Variants in ZNF85 observed in about 807,000 individuals in gnomAD.
The protein encoded by ZNF85 is zinc finger protein 85 (HPF4, HTF1).
ZNF85 carries 50 observed loss-of-function variants against 53.9 expected under a neutral mutation model. The ratio of observed to expected loss-of-function variants is 0.93; its 90% CI spans 0.74 to 1.17. The LOEUF (loss-of-function observed/expected upper bound fraction) is 1.17, where lower values mean the gene tolerates loss of function less well. Ranked by LOEUF, ZNF85 falls within the 50% of genes most tolerant of loss-of-function variation. The probability of loss-of-function intolerance (pLI) is 0.00; values close to 1 mark genes in which losing one functional copy is unlikely to be tolerated. For synonymous variants in ZNF85, 225 were observed against 226.1 expected, an observed-to-expected ratio of 1.00 and a Z score of 0.04; for missense variants, 747 against 688.5, an observed-to-expected ratio of 1.08 and a Z score of -0.95.
At chr19:20,938,981 T>C (rs1404640141) in intron 3 of ZNF85, among the ~76,000 whole-genome samples, 3 of 152,118 alleles carry the variant, frequency 2.0e-5, no homozygotes, top group Non-Finnish European at 4.4e-5. Context: ...AATGCATATA[T>C]TTAAAACAAA....
intron 3 of ZNF85, among the ~76,000 whole-genome samples, chr19:20,947,196 ATCTT>A (rs1568555321): frequency 6.6e-6 from 1 of 151,852 alleles, no homozygotes; most frequent in African/African-American, 2.4e-5. Context: ...TATACAAAAA[ATCTT>A]TCTCATTATA....
In ZNF85 at chr19:20,950,416, A is replaced by G. The variant is rs1973555827; in HGVS notation, c.*114A>G. The G allele has an allele frequency of 1.4e-6, 1 of 734,880 alleles. No individual in the cohort carries two copies. Among genetic ancestry groups the G allele is most frequent in the South Asian group, 2.9e-5 (1 of 34,132 alleles). The allele number at this position is 734,880 out of a possible 1,614,324, so 45.5% of individuals were successfully genotyped here. A position where few individuals can be genotyped will look rare whatever the true frequency, so the allele number is the denominator to read the frequency against. On this transcript the variant is annotated 3_prime_UTR_variant, in exon 4 of 4. Transcript: ENST00000328178. ...GACAATAATTTTGACAACACCTCAG[A>G]CTTATAAAAGTAATCATACTGGTGA...
chr19:20,944,830 T>C (rs1413615543), intron 3 of ZNF85, among the ~76,000 whole-genome samples: 1 of 152,096 alleles, frequency 6.6e-6, no homozygotes, highest in African/African-American at 2.4e-5. Flanking sequence ...AATATTTAAC[T>C]CTGCAATTTA....
In ZNF85 at chr19:20,934,156, G is replaced by T. The variant is rs778074965; in HGVS notation, c.130+6G>T. 1.1e-4 allele frequency: 171 copies of T among 1,609,556 alleles called. 1 individual carries two copies. The South Asian group carries it at 1.8e-3, about 17-fold the overall frequency. ...CAGAAACCTGGTCTTCCTGGGTGAG[G>T]ATAACTTCAATACACAATTTCTAAT... On this transcript the variant is annotated splice_donor_region_variant and intron_variant, in intron 2 of 3. Transcript: ENST00000328178.
rs768196215 is a variant in ZNF85 at position 20,933,979 on chromosome 19, GTGTGTGTGTGTGTGTGTGTA to G, written c.4-39_4-20del. The G allele has an allele frequency of 3.6e-5, 48 of 1,352,080 alleles. No homozygotes were observed. The African/African-American group carries it at 6.9e-4, about 19-fold the overall frequency. 83.8% of individuals were successfully genotyped at this position (1,352,080 alleles called of 1,614,324 possible). ...ATTATGTGTGTGTGTGTGTGTGTGTGTGTGTGTGTGTGTGTGTGTATGTGTATGTGTGTGTATCTTTCAGG... is the reference window on the plus strand; with the variant it reads ...ATTATGTGTGTGTGTGTGTGTGTGTGTGTGTATGTGTGTGTATCTTTCAGG... On this transcript the variant is annotated intron_variant, in intron 1 of 3. Coordinates refer to ENST00000328178, the MANE Select transcript of ZNF85 (RefSeq NM_003429.5).
chr19:20,946,407 C>T lies in ZNF85; in HGVS notation c.230-2337C>T, dbSNP rs11085408. On this transcript the variant is annotated intron_variant, in intron 3 of 3. Transcript: ENST00000328178. Reference sequence around the variant, plus strand: ...TGTTAGAAGTAATTGTTTTATATTGCCTTAAAGTTACCTGTTGCCTTCTAA... The same window carrying T: ...TGTTAGAAGTAATTGTTTTATATTGTCTTAAAGTTACCTGTTGCCTTCTAA... 5.6e-3 allele frequency: 2,011 copies of T among 360,962 alleles called. 24 individuals carry two copies. Among genetic ancestry groups the T allele is most frequent in the African/African-American group, 0.024 (1,104 of 45,590 alleles). The allele number at this position is 360,962 out of a possible 1,614,324, so 22.4% of individuals were successfully genotyped here. A position where few individuals can be genotyped will look rare whatever the true frequency, so the allele number is the denominator to read the frequency against.
chr19:20,923,307 T>G lies in ZNF85; in HGVS notation c.-94T>G. On this transcript the variant is annotated 5_prime_UTR_variant, in exon 1 of 4. Transcript: ENST00000328178. Reference sequence around the variant, plus strand: ...GGTCTTGTTTTCCCTGCTTTGTGTTTTCTGCTCGTGGACGCCCAGCCTCTG... The same window carrying G: ...GGTCTTGTTTTCCCTGCTTTGTGTTGTCTGCTCGTGGACGCCCAGCCTCTG... 6.3e-7 allele frequency: 1 copy of G among 1,595,650 alleles called. No homozygotes were observed.
intron 1 of ZNF85, 150 bp from the exon 2 acceptor site, chr19:20,933,874 C>A: frequency 1.3e-6 from 1 of 791,636 alleles, no homozygotes; most frequent in African/African-American, 1.8e-5. Context: ...TTAGTCACTC[C>A]TGTAAGTCAG....
At chr19:20,931,711 G>A (rs959438342) in intron 1 of ZNF85, among the ~76,000 whole-genome samples, 1 of 148,888 alleles carries the variant, frequency 6.7e-6, no homozygotes, top group Non-Finnish European at 1.5e-5. Context: ...GGGTTCAAGC[G>A]ATTCTCTTGC....
intron 1 of ZNF85, chr19:20,928,040 G>T (rs1274919591): frequency 6.6e-6 from 1 of 152,092 alleles, no homozygotes; most frequent in African/African-American, 2.4e-5. Flanking sequence ...CTTCTGGGTT[G>T]TATCTTTTAT....
At chr19:20,941,469 G>A (rs1973294199) in intron 3 of ZNF85, among the ~76,000 whole-genome samples, 1 of 152,086 alleles carries the variant, frequency 6.6e-6, no homozygotes, top group African/African-American at 2.4e-5. Context: ...CACCGTGTTG[G>A]TTATGCTGGT....
At position 20,949,022 on chromosome 19, in the gene ZNF85, A is replaced by G; in HGVS notation, c.508A>G (p.Lys170Glu). 7 of 1,613,768 alleles carry G rather than the reference A, an allele frequency of 4.3e-6. No homozygotes were observed. Among genetic ancestry groups the G allele is most frequent in the Non-Finnish European group, 5.9e-6 (7 of 1,179,780 alleles). ...AAACAGACATGAGATAAGACATACT[A>G]AAAAGAAACCTTTCAAATGTACAAA... is the stretch of plus-strand genomic sequence containing the variant. Reference protein sequence around the residue: ...NSNRHEIRHTKKKPFKCTKCG... With the variant: ...NSNRHEIRHTEKKPFKCTKCG... The change falls in exon 4 of 4, where the codon AAA (lysine) becomes GAA (glutamate). Residue 170 changes from lysine (K) to glutamate (E), a missense_variant. Lys to Glu is a moderately conservative substitution (Grantham distance 56). Transcript: ENST00000328178.
chr19:20,946,967 A>T (rs576897907), intron 3 of ZNF85, among the ~76,000 whole-genome samples: 1 of 152,040 alleles, frequency 6.6e-6, no homozygotes, highest in East Asian at 1.9e-4. Context: ...AGACTTACAA[A>T]TGTTATTTTA....
At chr19:20,935,658 A>AT (rs966936998) in intron 3 of ZNF85, among the ~76,000 whole-genome samples, 179 of 145,708 alleles carry the variant, frequency 1.2e-3, no homozygotes, top group East Asian at 3.6e-3. Flanking sequence ...TGCCACTAGA[A>AT]TTTTTTTTTT....
At chr19:20,934,228 T>C (rs1207061566) in intron 2 of ZNF85, 78 bp downstream of exon 2, 2 of 1,544,092 alleles carry the variant, frequency 1.3e-6, no homozygotes, top group Admixed American at 2.0e-5. Context: ...GTTTTTCTGG[T>C]AAAGTGTGCT....
At chr19:20,937,586 C>T (rs1016614791) in intron 3 of ZNF85, among the ~76,000 whole-genome samples, 5 of 152,176 alleles carry the variant, frequency 3.3e-5, no homozygotes, top group Non-Finnish European at 7.3e-5. Context: ...CAGGTTTCTG[C>T]AGTCGAGTCT....
In ZNF85 at chr19:20,936,250, A is replaced by T. The variant is rs538953411; in HGVS notation, c.229+1203A>T. Among the ~76,000 whole-genome samples, 6 of 152,300 alleles carry T rather than the reference A, an allele frequency of 3.9e-5. No homozygotes were observed. The East Asian group carries it at 1.2e-3, about 29-fold the overall frequency. ...AAGATTATATGATCTACAACCAGCA[A>T]CTTTTACTTATTTGTCTTCAATTTC... On this transcript the variant is annotated intron_variant, in intron 3 of 3. Coordinates refer to ENST00000328178, the MANE Select transcript of ZNF85 (RefSeq NM_003429.5).
intron 3 of ZNF85, among the ~76,000 whole-genome samples, chr19:20,946,994 T>C (rs73021507): frequency 0.1 from 15,466 of 151,884 alleles, 879 homozygotes; most frequent in Non-Finnish European, 0.13. Flanking sequence ...TAGTTGATTC[T>C]TGTTTCTTTG....
At chr19:20,936,353 A>G (rs111785456) in intron 3 of ZNF85, among the ~76,000 whole-genome samples, 1,813 of 152,198 alleles carry the variant, frequency 0.012, 33 homozygotes, top group African/African-American at 0.034. Context: ...AACATTGACA[A>G]TGGTATTGGG....
Sources: gnomAD v4.1 joint callset for allele counts (sites outside exome capture counted in the v4.1 genomes callset) on GRCh38, gnomAD v4.1.1 for gene constraint, MANE v1.5 for transcripts, NCBI Gene and HGNC (gene_info 2026-07-23, HGNC 2026-07-21) for gene names.